DTWD2: variants seen among roughly 807,000 people sequenced by gnomAD.
DTWD2 encodes DTW motif tRNA-uridine aminocarboxypropyltransferase 2.
In DTWD2, 39 loss-of-function variants were observed where a neutral mutation model predicts 31.8. The observed-to-expected ratio is 1.22, with a 90% CI of 0.95 to 1.60. DTWD2 has a LOEUF of 1.60. DTWD2 is among the 40% of genes most tolerant of loss of function. The pLI, the probability that DTWD2 is intolerant of heterozygous loss-of-function variation, is 0.00. For synonymous variants in DTWD2, 180 were observed against 142.8 expected (o/e 1.26, Z -1.86); for missense variants, 515 against 381.5 (o/e 1.35, Z -2.92).
intron 4 of DTWD2, among the ~76,000 whole-genome samples, chr5:118,909,260 A>C (rs1318352723): frequency 6.6e-6 from 1 of 152,172 alleles, no homozygotes; most frequent in Non-Finnish European, 1.5e-5. Flanking sequence ...AACACCTTTC[A>C]ACATGGAGAA....
At chr5:118,853,112 T>A (rs1752048900) in intron 4 of DTWD2, among the ~76,000 whole-genome samples, 1 of 152,182 alleles carries the variant, frequency 6.6e-6, no homozygotes, top group African/African-American at 2.4e-5. Context: ...TATCAGGTAT[T>A]ATGCTCACTA....
intron 4 of DTWD2, among the ~76,000 whole-genome samples, chr5:118,927,411 A>G (rs1057397600): frequency 1.3e-5 from 2 of 152,146 alleles, no homozygotes; most frequent in Admixed American, 6.5e-5. Flanking sequence ...ATAAAAATAA[A>G]CTATAATAGC....
At chr5:118,951,475 G>A (rs572215449) in intron 1 of DTWD2, among the ~76,000 whole-genome samples, 21 of 152,258 alleles carry the variant, frequency 1.4e-4, no homozygotes, top group Non-Finnish European at 2.6e-4. Flanking sequence ...ATGCCTAGAC[G>A]TCAGGCACCT....
At chr5:118,922,497 G>GA (rs1234711894) in intron 4 of DTWD2, among the ~76,000 whole-genome samples, 1 of 152,028 alleles carries the variant, frequency 6.6e-6, no homozygotes, top group East Asian at 1.9e-4. Flanking sequence ...AGCATAGTAA[G>GA]AAAAAATAAC....
intron 4 of DTWD2, among the ~76,000 whole-genome samples, chr5:118,904,833 A>G (rs561864110): frequency 2.0e-5 from 3 of 152,222 alleles, no homozygotes; most frequent in South Asian, 2.1e-4. Context: ...AACATTCACT[A>G]AAGTCTACAA....
intron 4 of DTWD2, among the ~76,000 whole-genome samples, chr5:118,850,477 C>CAAA (rs34808087): frequency 0.024 from 734 of 30,558 alleles, 59 homozygotes; most frequent in East Asian, 0.038. Flanking sequence ...GACCCCACCA[C>CAAA]AAAAAAAAAA....
chr5:118,974,665 T>C, intron 1 of DTWD2: 1 of 505,748 alleles, frequency 2.0e-6, no homozygotes, highest in Admixed American at 2.4e-5. Context: ...ATGAGATGGT[T>C]AAAAAGGCCA....
At chr5:118,865,076 T>C (rs1752353825) in intron 4 of DTWD2, among the ~76,000 whole-genome samples, 1 of 152,104 alleles carries the variant, frequency 6.6e-6, no homozygotes, top group African/African-American at 2.4e-5. Context: ...TCCAATCTCA[T>C]GACTAATTAT....
intron 3 of DTWD2, among the ~76,000 whole-genome samples, chr5:118,938,446 T>C (rs962683104): frequency 4.6e-5 from 7 of 152,202 alleles, no homozygotes; most frequent in African/African-American, 1.7e-4. Context: ...CTCTTAATCA[T>C]TCCCCGATGA....
chr5:118,857,584 A>C (rs1752167266), intron 4 of DTWD2, among the ~76,000 whole-genome samples: 1 of 152,060 alleles, frequency 6.6e-6, no homozygotes. Flanking sequence ...TTATGCTTTC[A>C]CTCTACTGTC....
At chr5:118,871,237 G>T (rs527490105) in intron 4 of DTWD2, among the ~76,000 whole-genome samples, 1 of 152,182 alleles carries the variant, frequency 6.6e-6, no homozygotes, top group East Asian at 1.9e-4. Flanking sequence ...CACTATATCT[G>T]CAATAACTTC....
At chr5:118,859,369 T>A (rs925144561) in intron 4 of DTWD2, among the ~76,000 whole-genome samples, 1 of 152,216 alleles carries the variant, frequency 6.6e-6, no homozygotes, top group African/African-American at 2.4e-5. Context: ...ATTTTTCACT[T>A]ATTTTTAAAG....
intron 4 of DTWD2, among the ~76,000 whole-genome samples, chr5:118,920,504 A>G (rs1048420763): frequency 1.3e-5 from 2 of 152,180 alleles, no homozygotes; most frequent in African/African-American, 4.8e-5. Context: ...TGCTTTAAAC[A>G]CAGTTCATTT....
intron 4 of DTWD2, among the ~76,000 whole-genome samples, chr5:118,893,703 C>G (rs553540145): frequency 6.6e-6 from 1 of 151,654 alleles, no homozygotes; most frequent in African/African-American, 2.4e-5. Flanking sequence ...AAAGAGGAGA[C>G]TGAAAAAGGA....
Position 118,968,662 on chromosome 5 carries a change from T to A in DTWD2, c.218+19632A>T, listed in dbSNP as rs549760516. Among the ~76,000 whole-genome samples the A allele has an allele frequency of 3.2e-3, 492 of 152,254 alleles. 2 individuals are homozygous for A. The highest frequency in any genetic ancestry group is 0.012 in the African/African-American group (481 of 41,546). The stretch of plus-strand genomic sequence containing the variant: ...CCCTGAGCCCACACCACCAGGACCT[T>A]GGGTCCAAAGCATAGCGCTATGCGG... On this transcript the variant is annotated intron_variant, in intron 1 of 5. Coordinates refer to ENST00000510708, the MANE Select transcript of DTWD2 (RefSeq NM_173666.4).
intron 4 of DTWD2, among the ~76,000 whole-genome samples, chr5:118,887,166 T>A (rs1311314972): frequency 6.6e-6 from 1 of 152,190 alleles, no homozygotes; most frequent in African/African-American, 2.4e-5. Context: ...AAATCCTGGA[T>A]CTGCCACTTT....
At chr5:118,984,190 G>A (rs896742678) in intron 1 of DTWD2, among the ~76,000 whole-genome samples, 1 of 152,166 alleles carries the variant, frequency 6.6e-6, no homozygotes, top group Non-Finnish European at 1.5e-5. Context: ...TCAGGAGGCT[G>A]AGGCAGGAGG....
chr5:118,932,665 CAAAAG>C (rs1753953642), intron 3 of DTWD2, among the ~76,000 whole-genome samples: 1 of 152,048 alleles, frequency 6.6e-6, no homozygotes, highest in Admixed American at 6.6e-5. Flanking sequence ...AATTTGGACA[CAAAAG>C]AAGAGATGGC....
At chr5:118,894,380 T>A (rs961945207) in intron 4 of DTWD2, among the ~76,000 whole-genome samples, 1 of 151,984 alleles carries the variant, frequency 6.6e-6, no homozygotes, top group Non-Finnish European at 1.5e-5. Context: ...GGAATAAAAA[T>A]ACAAAACAAT....
Sources: gnomAD v4.1 joint callset for allele counts (sites outside exome capture counted in the v4.1 genomes callset) on GRCh38, gnomAD v4.1.1 for gene constraint, MANE v1.5 for transcripts, NCBI Gene and HGNC (gene_info 2026-07-23, HGNC 2026-07-21) for gene names.